Variants in AAK1 observed in about 807,000 individuals in gnomAD.
The protein encoded by AAK1 is AP2 associated kinase 1.
A neutral mutation model predicts 116.0 loss-of-function variants in AAK1; 37 were observed. The observed-to-expected ratio is 0.32, with a 90% CI of 0.25 to 0.42. The LOEUF is 0.42. Ranked by LOEUF, AAK1 falls within the 10% of genes least tolerant of loss-of-function variation. The pLI, the probability that AAK1 is intolerant of heterozygous loss-of-function variation, is 1.00. For missense variants in AAK1, 919 were observed against 1,170.6 expected (o/e 0.79, Z 3.14); for synonymous variants, 458 against 439.9 (o/e 1.04, Z -0.51).
intron 3 of AAK1, among the ~76,000 whole-genome samples, chr2:69,546,834 G>T (rs1398316461): frequency 7.5e-5 from 11 of 147,042 alleles, no homozygotes; most frequent in Non-Finnish European, 3.0e-5. Flanking sequence ...ACATCTGCTG[G>T]TTAATAAACT....
rs979930968 is a variant in AAK1 at position 69,465,384 on chromosome 2, G to C, written c.*10485C>G. 1.6e-6 allele frequency: 2 copies of C among 1,240,334 alleles called. No individual in the cohort carries two copies. Among genetic ancestry groups the C allele is most frequent in the Admixed American group, 2.7e-5 (1 of 37,542 alleles). The allele number at this position is 1,240,334 out of a possible 1,614,324, so 76.8% of individuals were successfully genotyped here. A position where few individuals can be genotyped will look rare whatever the true frequency, so the allele number is the denominator to read the frequency against. The stretch of plus-strand genomic sequence containing the variant: ...TGGGAGTGCCATGGCGGGTATTGAG[G>C]GTGGGATAGAGACAAGAGGCTTGAG... On this transcript the variant is annotated 3_prime_UTR_variant, in exon 22 of 22. Coordinates refer to ENST00000409085, the MANE Select transcript of AAK1 (RefSeq NM_014911.5).
intron 5 of AAK1, among the ~76,000 whole-genome samples, chr2:69,538,554 C>G (rs1008304594): frequency 2.0e-5 from 3 of 152,220 alleles, no homozygotes; most frequent in Non-Finnish European, 4.4e-5. Context: ...GACTATCATT[C>G]AGGCTTCATT....
intron 3 of AAK1, among the ~76,000 whole-genome samples, chr2:69,552,655 G>C (rs1671228527): frequency 6.6e-6 from 1 of 151,960 alleles, no homozygotes; most frequent in African/African-American, 2.4e-5. Context: ...AGATTGCAGT[G>C]AGCCGGGATT....
At chr2:69,586,158 G>A (rs1672755636) in intron 2 of AAK1, among the ~76,000 whole-genome samples, 1 of 152,184 alleles carries the variant, frequency 6.6e-6, no homozygotes, top group Admixed American at 6.5e-5. Context: ...ACCACCAGTG[G>A]GGCAGGTTTT....
Position 69,470,991 on chromosome 2 carries a change from T to C in AAK1, c.*4878A>G. 4.1e-6 allele frequency: 4 copies of C among 985,882 alleles called. No individual in the cohort carries two copies. The highest frequency in any genetic ancestry group is 4.8e-6 in the Non-Finnish European group (4 of 829,914). The allele number at this position is 985,882 out of a possible 1,614,324, so 61.1% of individuals were successfully genotyped here. On this transcript the variant is annotated 3_prime_UTR_variant, in exon 22 of 22. Coordinates refer to ENST00000409085, the MANE Select transcript of AAK1 (RefSeq NM_014911.5). ...AGAAAGTTCTTTACAGACTTTTTTT[T>C]ATACAATACTTGTGCAGCAATGTTC...
intron 2 of AAK1, among the ~76,000 whole-genome samples, chr2:69,603,109 A>G (rs1673651008): frequency 6.6e-6 from 1 of 152,232 alleles, no homozygotes; most frequent in Non-Finnish European, 1.5e-5. Flanking sequence ...TGGAAGTCAA[A>G]AAAGATAAAG....
At chr2:69,484,508 G>C (rs1423929253) in intron 17 of AAK1, among the ~76,000 whole-genome samples, 1 of 152,034 alleles carries the variant, frequency 6.6e-6, no homozygotes, top group Non-Finnish European at 1.5e-5. Flanking sequence ...AAAAAGGAAG[G>C]ACGGCTGGGT....
intron 4 of AAK1, among the ~76,000 whole-genome samples, 196 bp from the exon 5 acceptor site, chr2:69,542,861 T>C (rs966005654): frequency 1.3e-4 from 20 of 152,312 alleles, no homozygotes; most frequent in African/African-American, 4.6e-4. Flanking sequence ...CAGTGTCTCC[T>C]CTAATGCATC....
chr2:69,565,236 G>A (rs1016611971), intron 2 of AAK1, among the ~76,000 whole-genome samples: 2 of 152,240 alleles, frequency 1.3e-5, no homozygotes, highest in Non-Finnish European at 2.9e-5. Context: ...ACGAAGGAAC[G>A]TGGGCTAAGA....
chr2:69,477,112 A>T (rs1674884315), intron 20 of AAK1, 122 bp from the exon 21 acceptor site: 1 of 574,312 alleles, frequency 1.7e-6, no homozygotes, highest in Non-Finnish European at 2.9e-6. Flanking sequence ...AGGTGAAAGG[A>T]TTTATCTTTC....
chr2:69,505,076 C>T (rs968740085), intron 16 of AAK1, among the ~76,000 whole-genome samples: 2 of 152,146 alleles, frequency 1.3e-5, no homozygotes, highest in African/African-American at 2.4e-5. Context: ...TTAGAAGTCT[C>T]ATTAAAAAAT....
At chr2:69,565,754 A>G (rs1444634460) in intron 2 of AAK1, among the ~76,000 whole-genome samples, 12 of 144,022 alleles carry the variant, frequency 8.3e-5, no homozygotes, top group South Asian at 2.3e-4. Context: ...GTGGCAGAGT[A>G]TCCTCTCCAC....
intron 15 of AAK1, among the ~76,000 whole-genome samples, chr2:69,506,868 CTGTGTGTGTGTG>C (rs10531990): frequency 6.7e-6 from 1 of 149,352 alleles, no homozygotes; most frequent in South Asian, 2.1e-4. Flanking sequence ...GTGCATGTGC[CTGTGTGTGTGTG>C]TGTGTGTGTG....
rs559248019 is a variant in AAK1 at position 69,525,072 on chromosome 2, G to A, written c.1016C>T (p.Ala339Val). The A allele has an allele frequency of 9.3e-6, 15 of 1,613,948 alleles. No homozygotes were observed. The East Asian group carries it at 2.7e-4, about 29-fold the overall frequency. Reference protein sequence around the residue: ...IPAKLPEPVKASEAAAKKTQP... With the variant: ...IPAKLPEPVKVSEAAAKKTQP... ...GGTCTTTTTTGCAGCTGCCTCACTG[G>A]CTTTCACTGGTTCAGGAAGCTTTGC... Residue 339 changes from alanine (A) to valine (V), a missense_variant, in exon 10 of 22, where the codon GCC becomes GTC. By Grantham distance (64) the Ala-to-Val change is moderately conservative (BLOSUM62 0). This residue lies in a region of AAK1 where 317 missense variants were observed against 490.4 expected (regional missense o/e 0.65). Coordinates refer to ENST00000409085, the MANE Select transcript of AAK1 (RefSeq NM_014911.5).
At chr2:69,620,413 G>C (rs1275613151) in intron 2 of AAK1, among the ~76,000 whole-genome samples, 1 of 152,114 alleles carries the variant, frequency 6.6e-6, no homozygotes, top group African/African-American at 2.4e-5. Context: ...CTACTGATAT[G>C]CTCAAGCATC....
In AAK1 at chr2:69,470,414, A is replaced by AAATGCT. The variant is rs1674637230; in HGVS notation, c.*5454_*5455insAGCATT. The stretch of plus-strand genomic sequence containing the variant: ...TAATTACCATGACCTTCTAGCTCAC[A>AAATGCT]TAACAAAATTAAGCATTTGGTTCCA... On this transcript the variant is annotated 3_prime_UTR_variant, in exon 22 of 22. Coordinates refer to ENST00000409085, the MANE Select transcript of AAK1 (RefSeq NM_014911.5). 1.0e-6 allele frequency: 1 copy of AAATGCT among 985,354 alleles called. No individual in the cohort carries two copies. The highest frequency in any genetic ancestry group is 1.2e-6 in the Non-Finnish European group (1 of 829,940). The allele number at this position is 985,354 out of a possible 1,614,324, so 61.0% of individuals were successfully genotyped here.
intron 2 of AAK1, among the ~76,000 whole-genome samples, chr2:69,631,904 C>T (rs753368318): frequency 6.6e-6 from 1 of 151,948 alleles, no homozygotes; most frequent in African/African-American, 2.4e-5. Flanking sequence ...CGCTTGAGCC[C>T]GGGAGGCGGA....
At position 69,472,203 on chromosome 2, in the gene AAK1, A is replaced by T; in HGVS notation, c.*3666T>A. 2 of 977,392 alleles carry T rather than the reference A, an allele frequency of 2.0e-6. No individual in the cohort carries two copies. Among genetic ancestry groups the T allele is most frequent in the Non-Finnish European group, 2.4e-6 (2 of 822,608 alleles). 60.5% of individuals were successfully genotyped at this position (977,392 alleles called of 1,614,324 possible). A position where few individuals can be genotyped will look rare whatever the true frequency, so the allele number is the denominator to read the frequency against. On this transcript the variant is annotated 3_prime_UTR_variant, in exon 22 of 22. Coordinates refer to ENST00000409085, the MANE Select transcript of AAK1 (RefSeq NM_014911.5). ...CCTCTCTGAGAATTTTTTGTGGATT[A>T]TCCTTTTTACTGTCTTCAACAGTAA...
At position 69,530,651 on chromosome 2, in the gene AAK1, T is replaced by C. The variant is rs1670217905; in HGVS notation, c.712A>G (p.Ile238Val). The part of the protein sequence containing the change: ...PEMVNLYSGK[I>V]ITTKADIWAL... The stretch of plus-strand genomic sequence containing the variant: ...CAAATGTCTGCCTTCGTAGTGATGA[T>C]TTTGCCACTGTACAGGTTGACCATT... The change falls in exon 7 of 22, where the codon ATC becomes GTC. Residue 238 changes from isoleucine (I) to valine (V), a missense_variant. Transcript: ENST00000409085. 6.2e-7 allele frequency: 1 copy of C among 1,613,738 alleles called. No individual in the cohort carries two copies. The highest frequency in any genetic ancestry group is 8.5e-7 in the Non-Finnish European group (1 of 1,179,692).
Sources: gnomAD v4.1 joint callset for allele counts (sites outside exome capture counted in the v4.1 genomes callset) on GRCh38, gnomAD v4.1.1 for gene constraint, gnomAD v4.1.1 regional missense constraint, MANE v1.5 for transcripts, NCBI Gene and HGNC (gene_info 2026-07-23, HGNC 2026-07-21) for gene names.